The following PIK3C2G variants were observed in gnomAD, a reference collection of about 807,000 sequenced individuals.
PIK3C2G encodes the protein phosphatidylinositol 3-kinase C2 domain-containing subunit gamma.
In PIK3C2G, 168 loss-of-function variants were observed where a neutral mutation model predicts 181.1. That is an observed-to-expected ratio of 0.93 (90% CI 0.82 to 1.05). The LOEUF (loss-of-function observed/expected upper bound fraction) is 1.05, where lower values mean the gene tolerates loss of function less well. Ranked by LOEUF, PIK3C2G falls within the 50% of genes least tolerant of loss-of-function variation. The probability of loss-of-function intolerance (pLI) is 0.00; values close to 1 mark genes in which losing one functional copy is unlikely to be tolerated. For missense variants in PIK3C2G, 1,869 were observed against 1,732.8 expected, an observed-to-expected ratio of 1.08 and a Z score of -1.40; for synonymous variants, 573 against 592.2, an observed-to-expected ratio of 0.97 and a Z score of 0.47.
chr12:18,462,439 T>G (rs1332316933), intron 18 of PIK3C2G, among the ~76,000 whole-genome samples: 2 of 152,296 alleles, frequency 1.3e-5, no homozygotes, highest in East Asian at 1.9e-4. Context: ...ACATTATATC[T>G]GACATTATGA....
chr12:18,325,071 C>G lies in PIK3C2G; in HGVS notation c.1245C>G (p.Phe415Leu). 1 of 1,577,566 alleles carries G rather than the reference C, an allele frequency of 6.3e-7. No individual in the cohort carries two copies. Among genetic ancestry groups the G allele is most frequent in the Non-Finnish European group, 8.7e-7 (1 of 1,149,520 alleles). ...CLLTLIRKYD[F>L]HLKYLLKTQE... ...TAACACTCATCAGAAAATATGACTT[C>G]CACCTGAAATACCTATTGAAAACCC... The change falls in exon 8 of 33, where the codon TTC (phenylalanine) becomes TTG (leucine). Residue 415 changes from phenylalanine to leucine, a missense_variant. Coordinates refer to ENST00000538779, the MANE Select transcript of PIK3C2G (RefSeq NM_001288772.2).
chr12:18,682,376 C>T, the PIK3C2G span, among the ~76,000 whole-genome samples: 1 of 151,996 alleles, frequency 6.6e-6, no homozygotes, highest in Admixed American at 6.6e-5. Flanking sequence ...AAGTCCCTGA[C>T]TTTGTCAAAC....
At chr12:18,425,603 G>C (rs141267422) in intron 18 of PIK3C2G, among the ~76,000 whole-genome samples, 1 of 151,924 alleles carries the variant, frequency 6.6e-6, no homozygotes, top group South Asian at 2.1e-4. Context: ...CATTGGCCAG[G>C]ATTGTCTTCA....
At chr12:18,479,314 G>A (rs979170179) in intron 18 of PIK3C2G, among the ~76,000 whole-genome samples, 7 of 152,080 alleles carry the variant, frequency 4.6e-5, no homozygotes, top group Admixed American at 3.3e-4. Context: ...TAAGAGTCTC[G>A]GGCTAACCCC....
Position 18,433,166 on chromosome 12 carries a change from T to C in PIK3C2G, c.2504+9127T>C, listed in dbSNP as rs1020898556. ...TTGTATCCTTGAAGGAGCTTTGAAG[T>C]AGATAGCAGATTGTTTCCAGAATCT... is the stretch of plus-strand genomic sequence containing the variant. On this transcript the variant is annotated intron_variant, in intron 18 of 32. Coordinates refer to ENST00000538779, the MANE Select transcript of PIK3C2G (RefSeq NM_001288772.2). 1.3e-4 allele frequency among the ~76,000 whole-genome samples: 20 copies of C among 152,298 alleles called. 1 individual carries two copies. Among genetic ancestry groups the C allele is most frequent in the African/African-American group, 4.6e-4 (19 of 41,572 alleles).
At chr12:18,683,471 T>C in the PIK3C2G span, 1 of 1,463,810 alleles carries the variant, frequency 6.8e-7, no homozygotes, top group Non-Finnish European at 9.3e-7. Flanking sequence ...ATATTAATCT[T>C]CCACAAAAAT....
At chr12:18,611,308 G>C (rs1352366449) in intron 31 of PIK3C2G, among the ~76,000 whole-genome samples, 1 of 152,014 alleles carries the variant, frequency 6.6e-6, no homozygotes, top group South Asian at 2.1e-4. Flanking sequence ...TAATACCAAT[G>C]CTCTCAAAAA....
chr12:18,247,569 T>A (rs564495843), upstream of PIK3C2G: 1 of 152,328 alleles, frequency 6.6e-6, no homozygotes, highest in African/African-American at 2.4e-5. Flanking sequence ...TGGTGTCTGA[T>A]TTACATAGGG....
At chr12:18,375,327 G>C (rs185121239) in intron 13 of PIK3C2G, among the ~76,000 whole-genome samples, 1 of 152,304 alleles carries the variant, frequency 6.6e-6, no homozygotes, top group Admixed American at 6.5e-5. Context: ...CAAAGAATTT[G>C]GTTGCATTGT....
At position 18,583,206 on chromosome 12, in the gene PIK3C2G, G is replaced by A. The variant is rs557441956; in HGVS notation, c.4012-11288G>A. ...CAAGTCCATACCTCCCTTGGATAGA[G>A]ACAGAGCTCCCAGAGAGAAGGGCAA... On this transcript the variant is annotated intron_variant, in intron 29 of 32. Coordinates refer to ENST00000538779, the MANE Select transcript of PIK3C2G (RefSeq NM_001288772.2). Among the ~76,000 whole-genome samples, 228 of 152,304 alleles carry A rather than the reference G, an allele frequency of 1.5e-3. 2 individuals carry two copies. Among genetic ancestry groups the A allele is most frequent in the Non-Finnish European group, 2.7e-3 (184 of 68,014 alleles).
At chr12:18,433,135 C>T (rs1302595978) in intron 18 of PIK3C2G, among the ~76,000 whole-genome samples, 4 of 152,140 alleles carry the variant, frequency 2.6e-5, no homozygotes, top group East Asian at 1.9e-4. Context: ...AATAAGCCCA[C>T]TAAAATTGTA....
the PIK3C2G span, among the ~76,000 whole-genome samples, chr12:18,661,376 AAGAGAG>A: frequency 1.3e-5 from 2 of 151,310 alleles, no homozygotes; most frequent in East Asian, 3.9e-4. Context: ...AATAAAAAAA[AAGAGAG>A]AGAGAGAATC....
chr12:18,307,816 C>T (rs1176738305), intron 5 of PIK3C2G, among the ~76,000 whole-genome samples: 4 of 151,786 alleles, frequency 2.6e-5, no homozygotes, highest in African/African-American at 7.2e-5. Flanking sequence ...AAATTTATCA[C>T]GTAGGCCACA....
At chr12:18,712,838 A>G in the PIK3C2G span, 1 of 1,613,514 alleles carries the variant, frequency 6.2e-7, no homozygotes, top group Non-Finnish European at 8.5e-7. Context: ...AGATATGTAC[A>G]TACCATGAAT....
chr12:18,547,240 T>A (rs970225958), intron 26 of PIK3C2G, among the ~76,000 whole-genome samples: 5 of 151,956 alleles, frequency 3.3e-5, no homozygotes, highest in Admixed American at 6.6e-5. Context: ...TAAAACCTCT[T>A]CCAGGTTTTA....
chr12:18,426,332 G>T (rs1249352011), intron 18 of PIK3C2G, among the ~76,000 whole-genome samples: 14 of 151,256 alleles, frequency 9.3e-5, no homozygotes, highest in Non-Finnish European at 1.5e-4. Flanking sequence ...TTTTTTTTGT[G>T]ATTATATAAT....
intron 1 of PIK3C2G, among the ~76,000 whole-genome samples, chr12:18,250,356 C>T (rs1948083766): frequency 6.6e-6 from 1 of 151,958 alleles, no homozygotes; most frequent in South Asian, 2.1e-4. Flanking sequence ...ACATTATTGT[C>T]CTTTTTCATA....
chr12:18,716,668 A>G, the PIK3C2G span, among the ~76,000 whole-genome samples: 1 of 152,202 alleles, frequency 6.6e-6, no homozygotes, highest in Non-Finnish European at 1.5e-5. Flanking sequence ...GAATTTGTAC[A>G]GAACTTTGTG....
intron 30 of PIK3C2G, chr12:18,607,048 G>A (rs966441613): frequency 8.7e-6 from 3 of 345,124 alleles, no homozygotes; most frequent in African/African-American, 4.3e-5. Context: ...GAGATAGATT[G>A]TAATCCCCTA....
Sources: gnomAD v4.1 joint callset for allele counts (sites outside exome capture counted in the v4.1 genomes callset) on GRCh38, gnomAD v4.1.1 for gene constraint, MANE v1.5 for transcripts, NCBI Gene and HGNC (gene_info 2026-07-23, HGNC 2026-07-21) for gene names.